Variants in PRKG1 observed in about 807,000 individuals in gnomAD.
PRKG1 encodes cGMP-dependent protein kinase 1.
PRKG1 carries 35 observed loss-of-function variants against 88.1 expected under a neutral mutation model. The observed-to-expected ratio is 0.40, with a 90% CI of 0.30 to 0.53. The LOEUF is 0.53. Ranked by LOEUF, PRKG1 falls within the 20% of genes least tolerant of loss-of-function variation. The pLI is 0.59. For missense variants in PRKG1, 540 were observed against 839.8 expected, an observed-to-expected ratio of 0.64 and a Z score of 4.41; for synonymous variants, 303 against 292.5, an observed-to-expected ratio of 1.04 and a Z score of -0.37.
At chr10:51,441,677 T>C (rs1269360555) in intron 2 of PRKG1, among the ~76,000 whole-genome samples, 1 of 151,976 alleles carries the variant, frequency 6.6e-6, no homozygotes, top group Non-Finnish European at 1.5e-5. Flanking sequence ...TGTTCTCTTT[T>C]ATCCTACCAA....
At position 51,138,675 on chromosome 10, in the gene PRKG1, G is replaced by GTTTTTT. The variant is rs71459405; in HGVS notation, c.312-14468_312-14463dup. ...CCAGTCTTTTTGGACATTGAGTTTT[G>GTTTTTT]TTTTTTTTTTTTTTTTTTTTTTTTT... On this transcript the variant is annotated intron_variant, in intron 1 of 17. Coordinates refer to ENST00000373980, the MANE Select transcript of PRKG1 (RefSeq NM_006258.4). 6.9e-4 allele frequency among the ~76,000 whole-genome samples: 47 copies of GTTTTTT among 68,532 alleles called. 5 individuals are homozygous for GTTTTTT. The highest frequency in any genetic ancestry group is 2.7e-3 in the East Asian group (6 of 2,182). 45.0% of individuals were successfully genotyped at this position (68,532 alleles called of 152,430 possible). A position where few individuals can be genotyped will look rare whatever the true frequency, so the allele number is the denominator to read the frequency against.
intron 4 of PRKG1, among the ~76,000 whole-genome samples, chr10:51,866,365 A>G (rs1430557563): frequency 6.6e-6 from 1 of 152,120 alleles, no homozygotes; most frequent in Admixed American, 6.6e-5. Context: ...CTGTAATTTA[A>G]AGAGGCATTA....
At chr10:52,094,124 A>G (rs1847119933) in intron 7 of PRKG1, among the ~76,000 whole-genome samples, 1 of 152,190 alleles carries the variant, frequency 6.6e-6, no homozygotes, top group African/African-American at 2.4e-5. Flanking sequence ...TTAATATAGA[A>G]TAGATTAATG....
chr10:52,105,190 GTT>G (rs372399083), intron 7 of PRKG1, among the ~76,000 whole-genome samples: 1,525 of 145,744 alleles, frequency 0.01, 22 homozygotes, highest in African/African-American at 0.032. Context: ...AGAGACAACT[GTT>G]TTTTTTTTTA....
chr10:51,249,673 A>G (rs964140516), intron 2 of PRKG1, among the ~76,000 whole-genome samples: 2 of 151,868 alleles, frequency 1.3e-5, no homozygotes, highest in Admixed American at 6.6e-5. Context: ...AATCGCAAGT[A>G]GCAGCATATT....
At chr10:51,395,685 C>G (rs149514983) in intron 2 of PRKG1, among the ~76,000 whole-genome samples, 1 of 152,062 alleles carries the variant, frequency 6.6e-6, no homozygotes, top group African/African-American at 2.4e-5. Context: ...AATTTTTCAG[C>G]GTTGGAAGAG....
intron 1 of PRKG1, among the ~76,000 whole-genome samples, chr10:51,035,148 T>C (rs1043550580): frequency 6.6e-6 from 1 of 152,180 alleles, no homozygotes; most frequent in Non-Finnish European, 1.5e-5. Context: ...ATTTAAATCT[T>C]GGCTCCCTTA....
chr10:51,101,410 C>G (rs992031175), intron 1 of PRKG1, among the ~76,000 whole-genome samples: 1 of 152,162 alleles, frequency 6.6e-6, no homozygotes, highest in Non-Finnish European at 1.5e-5. Context: ...AAATACATCT[C>G]TGTTGTTTAA....
chr10:51,376,119 T>G (rs1842812694), intron 2 of PRKG1, among the ~76,000 whole-genome samples: 1 of 152,204 alleles, frequency 6.6e-6, no homozygotes, highest in Admixed American at 6.5e-5. Context: ...GCCTTGGGTA[T>G]TTATCCAAAT....
intron 4 of PRKG1, among the ~76,000 whole-genome samples, chr10:51,880,450 G>T (rs1410407694): frequency 6.6e-6 from 1 of 152,096 alleles, no homozygotes; most frequent in Non-Finnish European, 1.5e-5. Flanking sequence ...TTGAATAATG[G>T]TCTGCTCCAC....
intron 10 of PRKG1, among the ~76,000 whole-genome samples, chr10:52,269,059 A>T (rs1841649524): frequency 6.6e-6 from 1 of 151,018 alleles, no homozygotes; most frequent in East Asian, 2.0e-4. Flanking sequence ...CCTGTGTACA[A>T]GTATAAAAAA....
intron 9 of PRKG1, among the ~76,000 whole-genome samples, chr10:52,174,780 G>T (rs1349593326): frequency 6.6e-6 from 1 of 151,796 alleles, no homozygotes; most frequent in Non-Finnish European, 1.5e-5. Flanking sequence ...CCTAGATAAT[G>T]TTCAAAAATA....
At position 51,641,261 on chromosome 10, in the gene PRKG1, G is replaced by A. The variant is rs75719912; in HGVS notation, c.593-163324G>A. Among the ~76,000 whole-genome samples the A allele has an allele frequency of 2.2e-4, 34 of 152,228 alleles. No individual in the cohort carries two copies. The East Asian group carries it at 6.4e-3, about 29-fold the overall frequency. ...GTGCCGCTCTCAAGAGTTCATGAGTGGAGAACATTACCACCACCACCACAT... is the reference window on the plus strand; with the variant it reads ...GTGCCGCTCTCAAGAGTTCATGAGTAGAGAACATTACCACCACCACCACAT... On this transcript the variant is annotated intron_variant, in intron 3 of 17. Transcript: ENST00000373980.
At chr10:51,216,330 T>C (rs1838370237) in intron 2 of PRKG1, among the ~76,000 whole-genome samples, 1 of 152,234 alleles carries the variant, frequency 6.6e-6, no homozygotes, top group South Asian at 2.1e-4. Flanking sequence ...AGCAATACTA[T>C]GGACACATGT....
chr10:52,014,549 A>G (rs1250097830), intron 5 of PRKG1, among the ~76,000 whole-genome samples: 2 of 152,122 alleles, frequency 1.3e-5, no homozygotes, highest in Admixed American at 6.5e-5. Flanking sequence ...TCCCTCACAA[A>G]TCTCATTTCC....
At chr10:52,023,120 A>C (rs1290881719) in intron 5 of PRKG1, among the ~76,000 whole-genome samples, 4 of 151,964 alleles carry the variant, frequency 2.6e-5, no homozygotes, top group Non-Finnish European at 5.9e-5. Context: ...CCTGTGTCCA[A>C]GTGTTCTCAT....
intron 10 of PRKG1, among the ~76,000 whole-genome samples, chr10:52,268,516 T>A (rs1205701899): frequency 6.6e-6 from 1 of 152,074 alleles, no homozygotes; most frequent in Admixed American, 6.6e-5. Context: ...CCAAATCACA[T>A]GCCTAGCATA....
chr10:51,148,564 G>A (rs909583090), intron 1 of PRKG1, among the ~76,000 whole-genome samples: 16 of 152,060 alleles, frequency 1.1e-4, no homozygotes, highest in Admixed American at 9.8e-4. Context: ...GACTGAGGGC[G>A]AAACTGATCT....
At chr10:51,117,690 G>T (rs1845160590) in intron 1 of PRKG1, among the ~76,000 whole-genome samples, 1 of 152,284 alleles carries the variant, frequency 6.6e-6, no homozygotes. Flanking sequence ...TCTAATGGAG[G>T]CATTGCTTTA....
Sources: gnomAD v4.1 joint callset for allele counts (sites outside exome capture counted in the v4.1 genomes callset) on GRCh38, gnomAD v4.1.1 for gene constraint, MANE v1.5 for transcripts, NCBI Gene and HGNC (gene_info 2026-07-23, HGNC 2026-07-21) for gene names.